GALNT13: variants seen among roughly 807,000 people sequenced by gnomAD.
GALNT13 encodes polypeptide N-acetylgalactosaminyltransferase 13.
GALNT13 carries 28 observed loss-of-function variants against 64.2 expected under a neutral mutation model. The ratio of observed to expected loss-of-function variants is 0.44; its 90% confidence interval spans 0.32 to 0.60. The LOEUF is 0.60. GALNT13 is among the 20% of genes least tolerant of loss of function. The pLI is 0.05. For synonymous variants in GALNT13, 214 were observed against 224.6 expected, an observed-to-expected ratio of 0.95 and a Z score of 0.42; for missense variants, 577 against 669.8, an observed-to-expected ratio of 0.86 and a Z score of 1.53.
At chr2:153,291,229 T>C in the GALNT13 span, among the ~76,000 whole-genome samples, 1 of 152,222 alleles carries the variant, frequency 6.6e-6, no homozygotes, top group Non-Finnish European at 1.5e-5. Context: ...AATTACAGAA[T>C]GATATAGCAT....
chr2:154,265,733 T>C (rs1249574514), intron 8 of GALNT13, among the ~76,000 whole-genome samples: 1 of 152,014 alleles, frequency 6.6e-6, no homozygotes, highest in Non-Finnish European at 1.5e-5. Flanking sequence ...TTCCACAAAA[T>C]TGAAAGGAGG....
At chr2:154,176,409 C>A (rs962066416) in intron 4 of GALNT13, among the ~76,000 whole-genome samples, 1 of 151,576 alleles carries the variant, frequency 6.6e-6, no homozygotes, top group Non-Finnish European at 1.5e-5. Context: ...CCCGCCACCA[C>A]GCCTGGCTAA....
intron 9 of GALNT13, among the ~76,000 whole-genome samples, chr2:154,384,653 A>G (rs998634840): frequency 1.3e-5 from 2 of 151,932 alleles, no homozygotes; most frequent in African/African-American, 2.4e-5. Context: ...GAATTGATCA[A>G]GCAGCTTTAT....
intron 11 of GALNT13, among the ~76,000 whole-genome samples, chr2:154,411,345 C>T (rs1470067054): frequency 1.3e-5 from 1 of 78,658 alleles, no homozygotes; most frequent in African/African-American, 3.9e-5. Flanking sequence ...CACACACACA[C>T]ACACACACAC....
At chr2:153,839,957 C>T in the GALNT13 span, among the ~76,000 whole-genome samples, 3 of 151,916 alleles carry the variant, frequency 2.0e-5, no homozygotes, top group Admixed American at 2.0e-4. Context: ...AGTGACGGGG[C>T]AAACCTAACT....
In GALNT13 at chr2:154,041,641, G is replaced by A. The variant is rs1165453993; in HGVS notation, c.142+97002G>A. Among the ~76,000 whole-genome samples the A allele has an allele frequency of 2.8e-5, 4 of 140,512 alleles. 1 individual carries two copies. Among genetic ancestry groups the A allele is most frequent in the Non-Finnish European group, 6.5e-5 (4 of 61,202 alleles). 92.2% of individuals were successfully genotyped at this position (140,512 alleles called of 152,430 possible). A position where few individuals can be genotyped will look rare whatever the true frequency, so the allele number is the denominator to read the frequency against. On this transcript the variant is annotated intron_variant, in intron 3 of 12. Transcript: ENST00000392825. ...CCTTCAGCATAGGGCATTCTGTTAA[G>A]AATATACATGTTTAAACAGACAAAA...
chr2:154,216,629 G>A (rs921142305), intron 4 of GALNT13, among the ~76,000 whole-genome samples: 1 of 151,674 alleles, frequency 6.6e-6, no homozygotes, highest in African/African-American at 2.4e-5. Context: ...ACTTTTCTTT[G>A]TTCTTAATTT....
the GALNT13 span, among the ~76,000 whole-genome samples, chr2:153,283,012 TA>T: frequency 1.3e-5 from 2 of 152,178 alleles, no homozygotes; most frequent in Non-Finnish European, 2.9e-5. Context: ...TATGGGTAAG[TA>T]ACAGCTGCAG....
chr2:154,314,662 T>G (rs866626280), intron 9 of GALNT13, among the ~76,000 whole-genome samples: 1 of 151,606 alleles, frequency 6.6e-6, no homozygotes, highest in Non-Finnish European at 1.5e-5. Flanking sequence ...GAAGCAAGAG[T>G]GAGGGAGATG....
At chr2:153,698,070 G>T in the GALNT13 span, among the ~76,000 whole-genome samples, 3 of 152,136 alleles carry the variant, frequency 2.0e-5, no homozygotes, top group Non-Finnish European at 4.4e-5. Context: ...CACCAGGCCT[G>T]CCTTGCAAGA....
chr2:153,439,756 G>A, the GALNT13 span, among the ~76,000 whole-genome samples: 19 of 152,106 alleles, frequency 1.2e-4, no homozygotes, highest in African/African-American at 4.3e-4. Context: ...TCCCTGACTT[G>A]TTGCGCTTCC....
At chr2:154,395,420 A>G (rs1049613889) in intron 9 of GALNT13, among the ~76,000 whole-genome samples, 2 of 152,122 alleles carry the variant, frequency 1.3e-5, no homozygotes, top group Non-Finnish European at 2.9e-5. Context: ...CTTTACACTT[A>G]GATATTTGCT....
At position 154,450,694 on chromosome 2, in the gene GALNT13, T is replaced by C. The variant is rs1701842002; in HGVS notation, c.*143T>C. The C allele has an allele frequency of 1.3e-6, 1 of 757,394 alleles. No individual in the cohort carries two copies. 46.9% of individuals were successfully genotyped at this position (757,394 alleles called of 1,614,324 possible). ...AACACAATTGTTTCTAATTCGTTTC[T>C]AGAAATGTTTGCTTATTTCCCTACT... On this transcript the variant is annotated 3_prime_UTR_variant, in exon 13 of 13. Transcript: ENST00000392825.
At chr2:153,245,619 A>AAC in the GALNT13 span, among the ~76,000 whole-genome samples, 3 of 152,096 alleles carry the variant, frequency 2.0e-5, no homozygotes, top group Non-Finnish European at 4.4e-5. Context: ...CCCCCCTCCC[A>AAC]ACACACACAA....
the GALNT13 span, among the ~76,000 whole-genome samples, chr2:153,312,648 A>T: frequency 4.0e-4 from 61 of 152,300 alleles, 1 homozygote; most frequent in East Asian, 5.2e-3. Flanking sequence ...TCCAGGGTTA[A>T]TGTCCTTACA....
At chr2:154,336,325 C>G (rs2105209836) in intron 9 of GALNT13, among the ~76,000 whole-genome samples, 1 of 152,176 alleles carries the variant, frequency 6.6e-6, no homozygotes, top group East Asian at 1.9e-4. Context: ...CAGTGATCAT[C>G]AGGAATACCA....
chr2:154,028,876 A>G (rs1163932890), intron 3 of GALNT13, among the ~76,000 whole-genome samples: 3 of 152,078 alleles, frequency 2.0e-5, no homozygotes, highest in African/African-American at 7.2e-5. Flanking sequence ...AAAAAACTAG[A>G]AAGTTTGCAG....
At chr2:153,234,806 G>A in the GALNT13 span, among the ~76,000 whole-genome samples, 1 of 152,032 alleles carries the variant, frequency 6.6e-6, no homozygotes, top group East Asian at 1.9e-4. Context: ...ATTTTGAAAG[G>A]TCACTGGACC....
intron 3 of GALNT13, among the ~76,000 whole-genome samples, chr2:154,073,830 T>C (rs1700858402): frequency 6.6e-6 from 1 of 151,830 alleles, no homozygotes; most frequent in African/African-American, 2.4e-5. Flanking sequence ...CTATTCCAAT[T>C]TCTAACGGAA....
Sources: allele counts gnomAD v4.1 joint callset (sites outside exome capture counted in the v4.1 genomes callset), GRCh38; gene constraint gnomAD v4.1.1; transcripts MANE v1.5; gene names NCBI Gene and HGNC (gene_info 2026-07-23, HGNC 2026-07-21).